Variants in SLC6A6 observed in about 807,000 individuals in gnomAD.
The protein encoded by SLC6A6 is sodium- and chloride-dependent taurine transporter.
A neutral mutation model predicts 68.8 loss-of-function variants in SLC6A6; 16 were observed. That is an observed-to-expected ratio of 0.23 (90% CI 0.16 to 0.35). The LOEUF is 0.35. Among genes scored for constraint, SLC6A6 ranks in the 10% least tolerant of loss-of-function variants. The probability of loss-of-function intolerance (pLI) is 1.00; values close to 1 mark genes in which losing one functional copy is unlikely to be tolerated. For synonymous variants in SLC6A6, 312 were observed against 315.4 expected (o/e 0.99, Z 0.12); for missense variants, 474 against 802.8 (o/e 0.59, Z 4.95).
chr3:14,475,533 G>A (rs1044049004), intron 10 of SLC6A6, among the ~76,000 whole-genome samples: 2 of 152,222 alleles, frequency 1.3e-5, no homozygotes, highest in African/African-American at 4.8e-5. Context: ...GGCAAGTGAG[G>A]CTCGGAGAAG....
At chr3:14,469,253 T>C (rs3773175) in intron 9 of SLC6A6, among the ~76,000 whole-genome samples, 16,694 of 151,706 alleles carry the variant, frequency 0.11, 1,419 homozygotes, top group African/African-American at 0.23. Context: ...TTCATACAAC[T>C]TCCCTGGGGC....
Position 14,429,496 on chromosome 3 carries a change from G to A in SLC6A6, c.-12+13043G>A, listed in dbSNP as rs1424037513. Among the ~76,000 whole-genome samples the A allele has an allele frequency of 4.6e-5, 7 of 152,356 alleles. No homozygotes were observed. The East Asian group carries it at 1.3e-3, about 29-fold the overall frequency. On this transcript the variant is annotated intron_variant, in intron 2 of 14. Coordinates refer to ENST00000622186, the MANE Select transcript of SLC6A6 (RefSeq NM_003043.6). ...TCACAGTCTGGCAGATGAGACGTCT[G>A]TGTGCACACACGCATCACATGCACG...
At chr3:14,444,278 G>A (rs1032496331) in intron 3 of SLC6A6, 6 of 191,618 alleles carry the variant, frequency 3.1e-5, no homozygotes, top group Admixed American at 5.4e-5. Context: ...TTTACCAAAT[G>A]TACTCCAGAA....
chr3:14,409,099 C>T (rs546044846), intron 1 of SLC6A6, among the ~76,000 whole-genome samples: 13 of 152,350 alleles, frequency 8.5e-5, no homozygotes, highest in African/African-American at 2.2e-4. Flanking sequence ...TGAGCCACCA[C>T]GCCTGGCCAG....
intron 10 of SLC6A6, among the ~76,000 whole-genome samples, chr3:14,474,832 CT>C (rs1194278765): frequency 2.6e-5 from 4 of 152,234 alleles, no homozygotes; most frequent in African/African-American, 4.8e-5. Flanking sequence ...AGGCAGAGGC[CT>C]CCCGCTGATG....
At chr3:14,417,531 A>T (rs1699388783) in intron 2 of SLC6A6, among the ~76,000 whole-genome samples, 1 of 152,118 alleles carries the variant, frequency 6.6e-6, no homozygotes, top group South Asian at 2.1e-4. Context: ...GGAGATCGAG[A>T]CCATCCTGGC....
At position 14,443,823 on chromosome 3, in the gene SLC6A6, C is replaced by A; in HGVS notation, c.189C>A (p.Asn63Lys). The change falls in exon 3 of 15, where the codon AAC becomes AAA. Residue 63 changes from asparagine (N) to lysine (K), a missense_variant. By Grantham distance (94) the Asn-to-Lys change is moderately conservative (BLOSUM62 0). Around this residue, in one of 2 missense-constraint regions of SLC6A6, gnomAD observed 280 missense variants for 533.1 expected, o/e 0.53. Transcript: ENST00000622186. ...CTGGCGGCTTCGTGGGCTTGGGCAA[C>A]GTCTGGCGCTTCCCGTACCTCTGCT... ...SVAGGFVGLG[N>K]VWRFPYLCYK... 6.2e-7 allele frequency: 1 copy of A among 1,614,076 alleles called. No individual in the cohort carries two copies. Among genetic ancestry groups the A allele is most frequent in the Non-Finnish European group, 8.5e-7 (1 of 1,179,930 alleles).
intron 2 of SLC6A6, among the ~76,000 whole-genome samples, chr3:14,417,507 A>G (rs191542596): frequency 0.017 from 2,615 of 152,226 alleles, 81 homozygotes; most frequent in African/African-American, 0.058. Flanking sequence ...CAAGGTGGGC[A>G]GATCACGAGG....
chr3:14,425,435 G>C (rs1011989138), intron 2 of SLC6A6, among the ~76,000 whole-genome samples: 1 of 151,974 alleles, frequency 6.6e-6, no homozygotes, highest in Non-Finnish European at 1.5e-5. Flanking sequence ...ACACATTGTC[G>C]GGAGGAATTA....
intron 14 of SLC6A6, 87 bp from the exon 15 acceptor site, chr3:14,484,780 C>G: frequency 7.1e-7 from 1 of 1,400,294 alleles, no homozygotes; most frequent in Admixed American, 1.8e-5. Context: ...AGCACATGAG[C>G]CAATTCAGGA....
intron 7 of SLC6A6, among the ~76,000 whole-genome samples, chr3:14,466,964 G>T (rs1194310836): frequency 6.6e-6 from 1 of 152,220 alleles, no homozygotes. Context: ...CTCCCGCTCG[G>T]ACCCAGCTTC....
At position 14,445,625 on chromosome 3, in the gene SLC6A6, C is replaced by G. The variant is rs1282507074; in HGVS notation, c.230-92C>G. The stretch of plus-strand genomic sequence containing the variant: ...GAGCCTCATGCCCCTCATGCATTCT[C>G]TCTGGTTCCATTGGCTGGGAGGGCT... On this transcript the variant is annotated intron_variant, in intron 3 of 14. Coordinates refer to ENST00000622186, the MANE Select transcript of SLC6A6 (RefSeq NM_003043.6). The G allele has an allele frequency of 2.8e-6, 4 of 1,431,242 alleles. No individual in the cohort carries two copies. In the African/African-American group the frequency reaches 4.2e-5, roughly 15 times the overall value. 88.7% of individuals were successfully genotyped at this position (1,431,242 alleles called of 1,614,324 possible).
At chr3:14,453,989 G>A (rs1052895848) in intron 5 of SLC6A6, among the ~76,000 whole-genome samples, 1 of 152,160 alleles carries the variant, frequency 6.6e-6, no homozygotes, top group South Asian at 2.1e-4. Flanking sequence ...GGGCTTGGGC[G>A]CCCGCACCCG....
intron 2 of SLC6A6, among the ~76,000 whole-genome samples, chr3:14,432,961 T>G (rs1699763312): frequency 6.6e-6 from 1 of 152,232 alleles, no homozygotes; most frequent in African/African-American, 2.4e-5. Context: ...AGGGACTCTT[T>G]GACCAGAGAC....
chr3:14,418,590 G>A (rs568365950), intron 2 of SLC6A6, among the ~76,000 whole-genome samples: 5 of 152,286 alleles, frequency 3.3e-5, no homozygotes, highest in Admixed American at 3.3e-4. Context: ...GATTGCTACC[G>A]CTTCCTGGAC....
intron 1 of SLC6A6, among the ~76,000 whole-genome samples, chr3:14,407,345 C>T (rs1291364047): frequency 4.6e-5 from 7 of 152,154 alleles, no homozygotes; most frequent in Non-Finnish European, 5.9e-5. Flanking sequence ...TTATGATTTA[C>T]ATGCAGTAAT....
chr3:14,433,707 GAA>G (rs1489946134), intron 2 of SLC6A6, among the ~76,000 whole-genome samples: 2 of 144,884 alleles, frequency 1.4e-5, no homozygotes, highest in Admixed American at 1.5e-4. Context: ...AGGAGGCTGA[GAA>G]ACGAGAATCT....
chr3:14,466,375 C>G, intron 6 of SLC6A6, 141 bp from the exon 7 acceptor site: 1 of 910,674 alleles, frequency 1.1e-6, no homozygotes, highest in Non-Finnish European at 1.6e-6. Flanking sequence ...TGCCAAAGGC[C>G]GCACAGCAAG....
Position 14,481,638 on chromosome 3 carries a change from AC to A in SLC6A6, c.1552-29del. ...AGCCCCCCACCCCCCGATGCCCAGG[AC>A]CCCTCTCCTGACTGCCCCCATCTCT... On this transcript the variant is annotated intron_variant, in intron 13 of 14. Coordinates refer to ENST00000622186, the MANE Select transcript of SLC6A6 (RefSeq NM_003043.6). This position sits in a 1 kb window ranked among gnomAD's most constrained non-coding sequence, Gnocchi z 4.7. 4.3e-6 allele frequency: 5 copies of A among 1,159,234 alleles called. No individual in the cohort carries two copies. The highest frequency in any genetic ancestry group is 6.3e-6 in the Non-Finnish European group (5 of 796,818). 71.8% of individuals were successfully genotyped at this position (1,159,234 alleles called of 1,614,324 possible). A position where few individuals can be genotyped will look rare whatever the true frequency, so the allele number is the denominator to read the frequency against.
Sources: gnomAD v4.1 joint callset for allele counts (sites outside exome capture counted in the v4.1 genomes callset) on GRCh38, gnomAD v4.1.1 for gene constraint, gnomAD v4.1.1 regional missense constraint, Gnocchi (gnomAD v3.1) non-coding constraint, MANE v1.5 for transcripts, NCBI Gene and HGNC (gene_info 2026-07-23, HGNC 2026-07-21) for gene names.